The following PDE1A variants were observed in gnomAD, a reference collection of about 807,000 sequenced individuals.
PDE1A encodes phosphodiesterase 1A.
PDE1A carries 35 observed loss-of-function variants against 61.7 expected under a neutral mutation model. That is an observed-to-expected ratio of 0.57 (90% CI 0.43 to 0.75). PDE1A has a LOEUF of 0.75. Ranked by LOEUF, PDE1A falls within the 30% of genes least tolerant of loss-of-function variation. The pLI is 0.00. For missense variants in PDE1A, 597 were observed against 630.6 expected (o/e 0.95, Z 0.57); for synonymous variants, 232 against 213.2 (o/e 1.09, Z -0.77).
At chr2:182,173,246 C>A (rs1692409827) in intron 13 of PDE1A, among the ~76,000 whole-genome samples, 1 of 151,982 alleles carries the variant, frequency 6.6e-6, no homozygotes, top group African/African-American at 2.4e-5. Flanking sequence ...TTAAAAAAAT[C>A]AAGTAGTCCA....
At chr2:182,156,029 C>T (rs1691063388) in intron 13 of PDE1A, among the ~76,000 whole-genome samples, 1 of 152,078 alleles carries the variant, frequency 6.6e-6, no homozygotes, top group African/African-American at 2.4e-5. Flanking sequence ...ATGGGAACTC[C>T]CCTGCACAAG....
chr2:182,397,629 C>G (rs941574970), intron 1 of PDE1A, among the ~76,000 whole-genome samples: 5 of 152,110 alleles, frequency 3.3e-5, no homozygotes, highest in African/African-American at 1.2e-4. Flanking sequence ...ATGTCCTCTA[C>G]CTGTTTCAGC....
chr2:182,186,478 C>T, exon 12 of PDE1A: 1 of 1,612,332 alleles, frequency 6.2e-7, no homozygotes. Flanking sequence ...CTGCTTGCCA[C>T]ATAGGAAGAA....
the PDE1A span, among the ~76,000 whole-genome samples, chr2:182,703,316 G>C: frequency 1.3e-5 from 2 of 152,244 alleles, no homozygotes; most frequent in South Asian, 4.1e-4. Context: ...AATTTTCGCA[G>C]CTGTTGACAG....
the PDE1A span, among the ~76,000 whole-genome samples, chr2:182,604,590 C>G: frequency 6.6e-6 from 1 of 152,112 alleles, no homozygotes; most frequent in Non-Finnish European, 1.5e-5. Context: ...AAAGAAGTTA[C>G]AGGTTTTCAG....
intron 1 of PDE1A, among the ~76,000 whole-genome samples, chr2:182,376,910 T>G (rs187282942): frequency 9.7e-4 from 147 of 152,220 alleles, no homozygotes; most frequent in Non-Finnish European, 1.8e-3. Flanking sequence ...GTTAAAACCA[T>G]CAGATTTCGT....
chr2:182,655,980 C>T, the PDE1A span, among the ~76,000 whole-genome samples: 1 of 152,232 alleles, frequency 6.6e-6, no homozygotes, highest in African/African-American at 2.4e-5. Context: ...CTGGGTTTCA[C>T]AGTGTCCTGA....
At chr2:182,185,838 G>A in intron 13 of PDE1A, 54 bp downstream of exon 13, 4 of 1,610,400 alleles carry the variant, frequency 2.5e-6, no homozygotes, top group Non-Finnish European at 2.5e-6. Context: ...CAAACTCTTA[G>A]AGGAGAAGTG....
chr2:182,201,523 G>T, exon 10 of PDE1A: 3 of 1,613,866 alleles, frequency 1.9e-6, no homozygotes, highest in South Asian at 1.1e-5. Flanking sequence ...TGTCTGCTGC[G>T]TGGAGAATCA....
the PDE1A span, among the ~76,000 whole-genome samples, chr2:182,693,819 G>T: frequency 6.6e-6 from 1 of 151,678 alleles, no homozygotes; most frequent in Non-Finnish European, 1.5e-5. Flanking sequence ...ACTAATTTTT[G>T]TATTTTTAGT....
chr2:182,382,927 G>T (rs1700813954), intron 1 of PDE1A, among the ~76,000 whole-genome samples: 1 of 152,136 alleles, frequency 6.6e-6, no homozygotes, highest in African/African-American at 2.4e-5. Context: ...TTAAAAGTAA[G>T]AAATGGTGCT....
chr2:182,316,646 T>G (rs537117059), intron 1 of PDE1A, among the ~76,000 whole-genome samples: 3 of 152,338 alleles, frequency 2.0e-5, no homozygotes, highest in Admixed American at 1.3e-4. Context: ...AAACTAAGAA[T>G]GATGAGTATA....
chr2:182,213,361 T>A (rs1296152920), intron 7 of PDE1A, among the ~76,000 whole-genome samples: 1 of 78,020 alleles, frequency 1.3e-5, no homozygotes, highest in Admixed American at 1.4e-4. Context: ...GCAGAGCGCC[T>A]CTCCTCCTCC....
chr2:182,141,658 T>C (rs2125250718), exon 15 of PDE1A: 1 of 152,302 alleles, frequency 6.6e-6, no homozygotes, highest in South Asian at 2.1e-4. Flanking sequence ...TTGTGAGTTA[T>C]AAAATCTCAC....
chr2:182,540,698 C>T, the PDE1A span, among the ~76,000 whole-genome samples: 20 of 151,850 alleles, frequency 1.3e-4, no homozygotes, highest in African/African-American at 4.4e-4. Context: ...ACAGTTTTAC[C>T]TTTCTTCATA....
At chr2:182,333,506 G>C (rs896163726) in intron 1 of PDE1A, among the ~76,000 whole-genome samples, 2 of 152,114 alleles carry the variant, frequency 1.3e-5, no homozygotes, top group African/African-American at 4.8e-5. Flanking sequence ...AATTAAGGCA[G>C]AAATAAATAA....
Position 182,246,401 on chromosome 2 carries a change from C to CTTTTTTTTTTTTTTTT in PDE1A, c.168-6110_168-6109insAAAAAAAAAAAAAAAA, listed in dbSNP as rs761118177. Among the ~76,000 whole-genome samples, 14 of 61,512 alleles carry CTTTTTTTTTTTTTTTT rather than the reference C, an allele frequency of 2.3e-4. 4 individuals carry two copies. Among genetic ancestry groups the CTTTTTTTTTTTTTTTT allele is most frequent in the East Asian group, 8.7e-4 (2 of 2,304 alleles). 40.4% of individuals were successfully genotyped at this position (61,512 alleles called of 152,430 possible). A position where few individuals can be genotyped will look rare whatever the true frequency, so the allele number is the denominator to read the frequency against. ...TCTACTATAGTCTTTTTTCTTTTTTCTTTCTTTTTTTTTTTTTTTTTTGAC... is the reference window on the plus strand; with the variant it reads ...TCTACTATAGTCTTTTTTCTTTTTTCTTTTTTTTTTTTTTTTTTTCTTTTTTTTTTTTTTTTTTGAC... On this transcript the variant is annotated intron_variant, in intron 2 of 13. Coordinates refer to ENST00000351439, the Ensembl canonical transcript of PDE1A.
rs1462731720 is a variant in PDE1A, at chr2:182,242,978, T to A, written c.168-2686A>T. On this transcript the variant is annotated intron_variant, in intron 2 of 13. Transcript: ENST00000351439. ...TGTAGCTGTTGGTTTGGATAAGAAA[T>A]CATCTTTCCATCATTTATGAATGCT... is the stretch of plus-strand genomic sequence containing the variant. Among the ~76,000 whole-genome samples, 3 of 142,078 alleles carry A rather than the reference T, an allele frequency of 2.1e-5. No homozygotes were observed. In the East Asian group the frequency reaches 6.2e-4, roughly 30 times the overall value. The allele number at this position is 142,078 out of a possible 152,430, so 93.2% of individuals were successfully genotyped here. A position where few individuals can be genotyped will look rare whatever the true frequency, so the allele number is the denominator to read the frequency against.
intron 8 of PDE1A, among the ~76,000 whole-genome samples, chr2:182,205,359 G>C (rs1453161318): frequency 6.6e-6 from 1 of 152,036 alleles, no homozygotes; most frequent in Non-Finnish European, 1.5e-5. Flanking sequence ...AGAGAAGAAA[G>C]GTTATAAGAG....
Sources: allele counts gnomAD v4.1 joint callset (sites outside exome capture counted in the v4.1 genomes callset), GRCh38; gene constraint gnomAD v4.1.1; transcripts MANE v1.5; gene names NCBI Gene and HGNC (gene_info 2026-07-23, HGNC 2026-07-21).